Variants in SHC4 observed in about 807,000 individuals in gnomAD.
The protein encoded by SHC4 is SHC-transforming protein 4.
SHC4 carries 41 observed loss-of-function variants against 69.4 expected under a neutral mutation model. That is an observed-to-expected ratio of 0.59 (90% confidence interval 0.46 to 0.77). The LOEUF (loss-of-function observed/expected upper bound fraction) is 0.77, where lower values mean the gene tolerates loss of function less well. SHC4 is among the 30% of genes least tolerant of loss of function. The probability of loss-of-function intolerance (pLI) is 0.00; values close to 1 mark genes in which losing one functional copy is unlikely to be tolerated. For missense variants in SHC4, 777 were observed against 783.8 expected (o/e 0.99, Z 0.10); for synonymous variants, 318 against 299.3 (o/e 1.06, Z -0.64).
intron 2 of SHC4, among the ~76,000 whole-genome samples, chr15:48,911,436 TC>T (rs959230834): frequency 5.3e-5 from 8 of 152,144 alleles, no homozygotes; most frequent in Admixed American, 4.6e-4. Context: ...CCTACCCTAC[TC>T]GTTACTTTAT....
At chr15:48,898,497 C>T (rs1461641467) in intron 2 of SHC4, among the ~76,000 whole-genome samples, 2 of 152,152 alleles carry the variant, frequency 1.3e-5, no homozygotes, top group African/African-American at 4.8e-5. Flanking sequence ...ACTTAGTGTC[C>T]CACTCTGTTC....
At chr15:48,857,993 A>C (rs1163745431) in intron 6 of SHC4, among the ~76,000 whole-genome samples, 178 bp from the exon 7 acceptor site, 1 of 152,214 alleles carries the variant, frequency 6.6e-6, no homozygotes, top group Non-Finnish European at 1.5e-5. Flanking sequence ...TGAATCAAAG[A>C]GAAGAAAGAT....
chr15:48,885,599 T>C (rs1252418069), intron 3 of SHC4, among the ~76,000 whole-genome samples: 1 of 152,240 alleles, frequency 6.6e-6, no homozygotes, highest in Admixed American at 6.5e-5. Context: ...ATCAATACTT[T>C]AAGGCAATCA....
At chr15:48,925,622 T>G (rs1328563116) in intron 1 of SHC4, among the ~76,000 whole-genome samples, 2 of 152,216 alleles carry the variant, frequency 1.3e-5, no homozygotes, top group Non-Finnish European at 2.9e-5. Flanking sequence ...TTAGTATGGT[T>G]AGCTCGAACA....
intron 8 of SHC4, among the ~76,000 whole-genome samples, chr15:48,852,839 T>C (rs1031834890): frequency 5.9e-5 from 9 of 151,308 alleles, no homozygotes; most frequent in Admixed American, 4.0e-4. Context: ...GAGGCGGAGG[T>C]TGCAGTGAGC....
chr15:48,951,724 A>G (rs929123201), intron 1 of SHC4, among the ~76,000 whole-genome samples: 5 of 152,066 alleles, frequency 3.3e-5, no homozygotes, highest in Non-Finnish European at 7.4e-5. Flanking sequence ...ATTTCTTAAA[A>G]CTCAGGTAAG....
At chr15:48,887,778 G>C (rs1332270319) in intron 3 of SHC4, among the ~76,000 whole-genome samples, 1 of 152,052 alleles carries the variant, frequency 6.6e-6, no homozygotes, top group African/African-American at 2.4e-5. Flanking sequence ...GCAAAAAAGA[G>C]AAAAGACTCA....
chr15:48,870,131 G>C (rs1357221318), intron 5 of SHC4, among the ~76,000 whole-genome samples: 5 of 152,196 alleles, frequency 3.3e-5, no homozygotes, highest in African/African-American at 4.8e-5. Flanking sequence ...CACACTACAT[G>C]TATAAACACT....
intron 1 of SHC4, among the ~76,000 whole-genome samples, chr15:48,961,727 G>C (rs970320744): frequency 8.5e-5 from 13 of 152,202 alleles, no homozygotes; most frequent in Non-Finnish European, 1.6e-4. Flanking sequence ...TGAAATCTGA[G>C]CTGCAAAAGG....
chr15:48,859,945 G>A (rs1165999758), intron 6 of SHC4, among the ~76,000 whole-genome samples: 1 of 151,964 alleles, frequency 6.6e-6, no homozygotes, highest in Non-Finnish European at 1.5e-5. Flanking sequence ...GAGGAGAGAG[G>A]TTCACTTGAG....
intron 6 of SHC4, among the ~76,000 whole-genome samples, chr15:48,859,590 GACCA>G (rs1209318623): frequency 6.6e-6 from 1 of 152,068 alleles, no homozygotes; most frequent in African/African-American, 2.4e-5. Context: ...TTTACTTAGT[GACCA>G]ACAGATAGAA....
chr15:48,887,358 C>T (rs1005303712), intron 3 of SHC4, among the ~76,000 whole-genome samples: 1 of 152,158 alleles, frequency 6.6e-6, no homozygotes, highest in African/African-American at 2.4e-5. Context: ...CTGACTGGGC[C>T]ACTAAGCAAG....
At chr15:48,929,948 G>A (rs1289312793) in intron 1 of SHC4, among the ~76,000 whole-genome samples, 1 of 152,202 alleles carries the variant, frequency 6.6e-6, no homozygotes, top group Non-Finnish European at 1.5e-5. Flanking sequence ...CTTGCTCCCA[G>A]GGAGAGGTGA....
At chr15:48,855,922 C>T (rs772683602) in intron 8 of SHC4, 31 bp downstream of exon 8, 2 of 1,581,040 alleles carry the variant, frequency 1.3e-6, no homozygotes, top group East Asian at 2.3e-5. Flanking sequence ...AATTGCATTG[C>T]TGGTTCCAAC....
intron 6 of SHC4, among the ~76,000 whole-genome samples, chr15:48,862,196 G>GTT (rs377462915): frequency 3.4e-4 from 49 of 146,152 alleles, no homozygotes; most frequent in Non-Finnish European, 4.7e-4. Context: ...TGGTTTTGGG[G>GTT]TTTTTTTTTT....
intron 1 of SHC4, 45 bp from the exon 2 acceptor site, chr15:48,924,994 A>C (rs1900825191): frequency 6.2e-7 from 1 of 1,604,282 alleles, no homozygotes; most frequent in Admixed American, 1.7e-5. Context: ...AAAAATTCCA[A>C]GAAGCTGTCT....
At chr15:48,826,543 C>T (rs1898693691) in intron 11 of SHC4, among the ~76,000 whole-genome samples, 1 of 152,032 alleles carries the variant, frequency 6.6e-6, no homozygotes, top group Non-Finnish European at 1.5e-5. Context: ...CTCTGTAGTC[C>T]CTAGTCAACA....
At chr15:48,925,001 G>A (rs761732907) in intron 1 of SHC4, 52 bp from the exon 2 acceptor site, 12 of 1,588,026 alleles carry the variant, frequency 7.6e-6, no homozygotes, top group Non-Finnish European at 1.0e-5. Context: ...CCAAGAAGCT[G>A]TCTCTTAGCT....
chr15:48,906,171 T>A (rs28666929), intron 2 of SHC4, among the ~76,000 whole-genome samples: 1,563 of 152,112 alleles, frequency 0.01, 33 homozygotes, highest in African/African-American at 0.036. Context: ...ATACATGGAG[T>A]CTCAAAGTTT....
Sources: gnomAD v4.1 joint callset for allele counts (sites outside exome capture counted in the v4.1 genomes callset) on GRCh38, gnomAD v4.1.1 for gene constraint, MANE v1.5 for transcripts, NCBI Gene and HGNC (gene_info 2026-07-23, HGNC 2026-07-21) for gene names.